Variants in FHOD3 observed in about 807,000 individuals in gnomAD.
The protein encoded by FHOD3 is FH1/FH2 domain-containing protein 3.
In FHOD3, 90 loss-of-function variants were observed where a neutral mutation model predicts 173.0. The observed-to-expected ratio is 0.52, with a 90% CI of 0.44 to 0.62. FHOD3 has a LOEUF of 0.62. Among genes scored for constraint, FHOD3 ranks in the 20% least tolerant of loss-of-function variants. FHOD3 has a pLI of 0.00. For missense variants in FHOD3, 1,945 were observed against 2,034.7 expected (o/e 0.96, Z 0.85); for synonymous variants, 828 against 823.0 (o/e 1.01, Z -0.10).
intron 3 of FHOD3, among the ~76,000 whole-genome samples, chr18:36,499,858 C>T (rs886387327): frequency 1.3e-5 from 2 of 152,140 alleles, no homozygotes; most frequent in African/African-American, 2.4e-5. Flanking sequence ...TTAATCACAA[C>T]TCTTCATAAT....
intron 3 of FHOD3, among the ~76,000 whole-genome samples, chr18:36,414,519 C>T (rs937084218): frequency 1.8e-4 from 28 of 152,200 alleles, no homozygotes; most frequent in African/African-American, 6.0e-4. Context: ...CATCATGCCA[C>T]AGAAGCTCCT....
chr18:36,402,506 T>TACACACACACAC (rs146120105), intron 3 of FHOD3, among the ~76,000 whole-genome samples: 2,334 of 143,938 alleles, frequency 0.016, 34 homozygotes, highest in Middle Eastern at 0.024. Flanking sequence ...GATGCAATTA[T>TACACACACACAC]ACACACACAC....
intron 10 of FHOD3, among the ~76,000 whole-genome samples, chr18:36,648,980 A>T (rs2035866004): frequency 6.6e-6 from 1 of 152,188 alleles, no homozygotes; most frequent in African/African-American, 2.4e-5. Flanking sequence ...ACCACAGAGG[A>T]GGTCTGCCCA....
At chr18:36,764,494 C>T (rs2043055504) in intron 27 of FHOD3, among the ~76,000 whole-genome samples, 1 of 151,638 alleles carries the variant, frequency 6.6e-6, no homozygotes, top group Admixed American at 6.6e-5. Context: ...ACCATGGTGA[C>T]CCCAGCCATC....
intron 17 of FHOD3, among the ~76,000 whole-genome samples, chr18:36,694,742 C>A (rs1382732435): frequency 6.6e-6 from 1 of 152,180 alleles, no homozygotes; most frequent in Non-Finnish European, 1.5e-5. Context: ...AAGTACAGAA[C>A]AGCTCCGAGC....
intron 2 of FHOD3, among the ~76,000 whole-genome samples, chr18:36,371,737 C>G (rs181345227): frequency 5.3e-5 from 8 of 152,244 alleles, no homozygotes; most frequent in African/African-American, 1.9e-4. Context: ...GTTCCCTTCT[C>G]TCCAACACAA....
chr18:36,764,830 T>C (rs2043071926), intron 27 of FHOD3, among the ~76,000 whole-genome samples: 2 of 152,038 alleles, frequency 1.3e-5, no homozygotes. Flanking sequence ...CTACAACAAC[T>C]AGAAGTAAAA....
chr18:36,364,599 G>A (rs1259268538), intron 2 of FHOD3, among the ~76,000 whole-genome samples: 1 of 152,182 alleles, frequency 6.6e-6, no homozygotes, highest in Admixed American at 6.5e-5. Context: ...CTTTTAAAGA[G>A]CTTTCCAGAA....
In FHOD3 at chr18:36,660,464, C is replaced by T. The variant is rs1414650915; in HGVS notation, c.1835+2276C>T. Among the ~76,000 whole-genome samples, 3 of 152,116 alleles carry T rather than the reference C, an allele frequency of 2.0e-5. No individual in the cohort carries two copies. In the South Asian group the frequency reaches 6.2e-4, roughly 32 times the overall value. ...GTGAGGCTGCAGGAACAAGGGCTGC[C>T]GCGAGGCAGTGTCAGAGTCCAAGAG... On this transcript the variant is annotated intron_variant, in intron 14 of 28. Coordinates refer to ENST00000590592, the MANE Select transcript of FHOD3 (RefSeq NM_001281740.3).
In FHOD3 at chr18:36,568,752, T is replaced by C. The variant is rs1177716025; in HGVS notation, c.512-7699T>C. Among the ~76,000 whole-genome samples the C allele has an allele frequency of 2.6e-5, 4 of 152,202 alleles. No homozygotes were observed. The South Asian group carries it at 6.2e-4, about 24-fold the overall frequency. ...ACAAAAATGTCAACATTTTCTGTAATATTTAAACAAAACCCAGAGTTTCAT... is the reference window on the plus strand; with the variant it reads ...ACAAAAATGTCAACATTTTCTGTAACATTTAAACAAAACCCAGAGTTTCAT... On this transcript the variant is annotated intron_variant, in intron 5 of 28. Transcript: ENST00000590592.
intron 3 of FHOD3, among the ~76,000 whole-genome samples, chr18:36,455,049 A>G (rs1285002540): frequency 6.6e-6 from 1 of 152,232 alleles, no homozygotes; most frequent in Non-Finnish European, 1.5e-5. Context: ...AAACAAAGGC[A>G]TAAACCTGCA....
At position 36,709,107 on chromosome 18, in the gene FHOD3, A is replaced by T. The variant is rs905216371; in HGVS notation, c.2249A>T (p.Asp750Val). The stretch of plus-strand genomic sequence containing the variant: ...TTGTCTCCACCAGCAAGTGCCGGGG[A>T]TCCTGAACCCGAATCAGAGGCAGAA... ...TPHHPQASAG[D>V]PEPESEAEPE... is the part of the protein sequence containing the mutation. Residue 750 changes from aspartate to valine, a missense_variant, in exon 18 of 29, where the codon GAT becomes GTT. This residue lies in a region of FHOD3 where 1,099 missense variants were observed against 1,051.2 expected (regional missense o/e 1.05). Coordinates refer to ENST00000590592, the MANE Select transcript of FHOD3 (RefSeq NM_001281740.3). 6.2e-7 allele frequency: 1 copy of T among 1,612,152 alleles called. No individual in the cohort carries two copies. Among genetic ancestry groups the T allele is most frequent in the Non-Finnish European group, 8.5e-7 (1 of 1,178,500 alleles).
intron 3 of FHOD3, among the ~76,000 whole-genome samples, chr18:36,499,204 C>T (rs1337119424): frequency 1.3e-5 from 2 of 152,130 alleles, no homozygotes; most frequent in African/African-American, 2.4e-5. Flanking sequence ...CCCAGGTTCA[C>T]GAGATTCTTC....
intron 3 of FHOD3, among the ~76,000 whole-genome samples, chr18:36,419,514 A>T (rs1393617378): frequency 6.6e-6 from 1 of 152,196 alleles, no homozygotes. Context: ...TCATGAATTT[A>T]TATAAACCAT....
At chr18:36,688,057 A>G (rs945071304) in intron 16 of FHOD3, among the ~76,000 whole-genome samples, 1 of 152,242 alleles carries the variant, frequency 6.6e-6, no homozygotes, top group Non-Finnish European at 1.5e-5. Context: ...GATCAGTAGT[A>G]TATTTCAATG....
chr18:36,572,991 G>T (rs1475362888), intron 5 of FHOD3, among the ~76,000 whole-genome samples: 1 of 152,048 alleles, frequency 6.6e-6, no homozygotes. Flanking sequence ...GGAAAAAATA[G>T]GGCAGAATGT....
intron 4 of FHOD3, among the ~76,000 whole-genome samples, chr18:36,507,492 AACTTAAGAT>A (rs1461123482): frequency 6.6e-6 from 1 of 152,222 alleles, no homozygotes; most frequent in African/African-American, 2.4e-5. Flanking sequence ...AACTGTATAG[AACTTAAGAT>A]ACTTCAGAGC....
chr18:36,735,140 G>T (rs759547126), intron 20 of FHOD3, among the ~76,000 whole-genome samples: 6 of 151,976 alleles, frequency 3.9e-5, no homozygotes, highest in Non-Finnish European at 8.8e-5. Context: ...TACTCAGAGG[G>T]TAGCACAATT....
chr18:36,366,281 G>A (rs2046895998), intron 2 of FHOD3, among the ~76,000 whole-genome samples: 1 of 152,200 alleles, frequency 6.6e-6, no homozygotes, highest in Admixed American at 6.5e-5. Flanking sequence ...GGAGGAATGA[G>A]AAGAGGCAGA....
Sources: allele counts gnomAD v4.1 joint callset (sites outside exome capture counted in the v4.1 genomes callset), GRCh38; gene constraint gnomAD v4.1.1; regional missense constraint gnomAD v4.1.1; transcripts MANE v1.5; gene names NCBI Gene and HGNC (gene_info 2026-07-23, HGNC 2026-07-21).